Variants in PCDHGC3 observed in about 807,000 individuals in gnomAD.
The protein encoded by PCDHGC3 is protocadherin gamma subfamily C, 3, also known as protocadherin gamma-C3.
A neutral mutation model predicts 59.2 loss-of-function variants in PCDHGC3; 26 were observed. The ratio of observed to expected loss-of-function variants is 0.44; its 90% CI spans 0.32 to 0.61. The LOEUF is 0.61. PCDHGC3 is among the 20% of genes least tolerant of loss of function. The pLI, the probability that PCDHGC3 is intolerant of heterozygous loss-of-function variation, is 0.05. For missense variants in PCDHGC3, 1,080 were observed against 1,221.8 expected (o/e 0.88, Z 1.73); for synonymous variants, 487 against 519.7 (o/e 0.94, Z 0.86).
At position 141,505,479 on chromosome 5, in the gene PCDHGC3, G is replaced by A; in HGVS notation, c.2576G>A (p.Ser859Asn). 1 of 1,614,228 alleles carries A rather than the reference G, an allele frequency of 6.2e-7. No homozygotes were observed. The highest frequency in any genetic ancestry group is 8.5e-7 in the Non-Finnish European group (1 of 1,180,018). Residue 859 changes from serine to asparagine, a missense_variant and splice_region_variant, in exon 3 of 4, where the codon AGT (serine) becomes AAT (asparagine). Ser to Asn is a conservative substitution (Grantham distance 46, BLOSUM62 1). Coordinates refer to ENST00000308177, the MANE Select transcript of PCDHGC3 (RefSeq NM_002588.4). Reference sequence around the variant, plus strand: ...CAAGCCATGATCTTGGCGTCCGCCAGTGGTAAGTGGTGTCAGTGTGTGTAT... The same window carrying A: ...CAAGCCATGATCTTGGCGTCCGCCAATGGTAAGTGGTGTCAGTGTGTGTAT... Reference protein sequence around the residue: ...MLQAMILASASEAADGSSTLG... With the variant: ...MLQAMILASANEAADGSSTLG...
chr5:141,485,172 C>T lies in PCDHGC3; in HGVS notation c.2430+6626C>T, dbSNP rs377648315. 3.9e-5 allele frequency: 62 copies of T among 1,610,044 alleles called. No individual in the cohort carries two copies. The highest frequency in any genetic ancestry group is 5.1e-5 in the Non-Finnish European group (60 of 1,176,944). On this transcript the variant is annotated intron_variant, in intron 1 of 3. Coordinates refer to ENST00000308177, the MANE Select transcript of PCDHGC3 (RefSeq NM_002588.4). The surrounding 1 kb of genome is among the most constrained non-coding windows in gnomAD (Gnocchi z 5.7). ...CAAGTAGAGAATTAGCGGGCGGCAGCAATGCTCCGCAAGGTGAGAAGCTGG... is the reference window on the plus strand; with the variant it reads ...CAAGTAGAGAATTAGCGGGCGGCAGTAATGCTCCGCAAGGTGAGAAGCTGG...
At chr5:141,488,762 C>T (rs1470160100) in intron 1 of PCDHGC3, among the ~76,000 whole-genome samples, 1 of 152,142 alleles carries the variant, frequency 6.6e-6, no homozygotes, top group Non-Finnish European at 1.5e-5. Context: ...TGGGACAGAA[C>T]GCTGAGGAGT....
In PCDHGC3 at chr5:141,489,180, C is replaced by T. The variant is rs942218118; in HGVS notation, c.2431-5627C>T. 7.9e-7 allele frequency: 1 copy of T among 1,259,748 alleles called. No homozygotes were observed. The highest frequency in any genetic ancestry group is 2.0e-4 in the Middle Eastern group (1 of 5,096). The allele number at this position is 1,259,748 out of a possible 1,614,324, so 78.0% of individuals were successfully genotyped here. A position where few individuals can be genotyped will look rare whatever the true frequency, so the allele number is the denominator to read the frequency against. On this transcript the variant is annotated intron_variant, in intron 1 of 3. Coordinates refer to ENST00000308177, the MANE Select transcript of PCDHGC3 (RefSeq NM_002588.4). This position sits in a 1 kb window ranked among gnomAD's most constrained non-coding sequence, Gnocchi z 4.5. ...GACTTCAGCTGCTGCATTCCAAGCCCTGGGTCTACCTTGGAGACAGGACAG... is the reference window on the plus strand; with the variant it reads ...GACTTCAGCTGCTGCATTCCAAGCCTTGGGTCTACCTTGGAGACAGGACAG...
In PCDHGC3 at chr5:141,477,500, T is replaced by C. The variant is rs757547508; in HGVS notation, c.1384T>C (p.Tyr462His). The C allele has an allele frequency of 3.1e-6, 5 of 1,614,156 alleles. No homozygotes were observed. Among genetic ancestry groups the C allele is most frequent in the Non-Finnish European group, 4.2e-6 (5 of 1,180,026 alleles). ...DNPPQSSQSS[Y>H]DVYIEENNLP... ...CCCTCCACAATCTTCTCAATCTTCC[T>C]ACGACGTTTACATTGAAGAAAACAA... The change falls in exon 1 of 4, where the codon TAC becomes CAC. Residue 462 changes from tyrosine to histidine, a missense_variant. Coordinates refer to ENST00000308177, the MANE Select transcript of PCDHGC3 (RefSeq NM_002588.4). This position sits in a 1 kb window ranked among gnomAD's most constrained non-coding sequence, Gnocchi z 4.9.
rs756549446 is a variant in PCDHGC3 at position 141,477,301 on chromosome 5, C to G, written c.1185C>G (p.Leu395=). 32 of 1,614,042 alleles carry G rather than the reference C, an allele frequency of 2.0e-5. 2 individuals carry two copies. In the South Asian group the frequency reaches 3.4e-4, roughly 17 times the overall value. Residue 395 remains leucine, a synonymous_variant, in exon 1 of 4, where the codon CTC becomes CTG. Coordinates refer to ENST00000308177, the MANE Select transcript of PCDHGC3 (RefSeq NM_002588.4). The surrounding 1 kb of genome is among the most constrained non-coding windows in gnomAD (Gnocchi z 4.9). ...GLVTCEVPPG[L]PFSLTSSLKN... is the part of the protein sequence containing the mutation. The stretch of plus-strand genomic sequence containing the variant: ...TGACCTGCGAAGTTCCACCGGGTCT[C>G]CCTTTCAGCCTTACTTCTTCCCTCA...
intron 1 of PCDHGC3, among the ~76,000 whole-genome samples, chr5:141,488,493 C>T (rs1594759823): frequency 6.6e-6 from 1 of 152,226 alleles, no homozygotes; most frequent in East Asian, 1.9e-4. Context: ...AAAACTGTAA[C>T]ACTCATTCCA....
At chr5:141,494,954 G>A in intron 2 of PCDHGC3, 89 bp downstream of exon 2, 2 of 1,601,116 alleles carry the variant, frequency 1.2e-6, no homozygotes. Context: ...CCCAGCATTT[G>A]CTACAGATGG....
rs2099627530 is a variant in PCDHGC3, at chr5:141,486,292, T to C, written c.2430+7746T>C. On this transcript the variant is annotated intron_variant, in intron 1 of 3. Transcript: ENST00000308177. This position sits in a 1 kb window ranked among gnomAD's most constrained non-coding sequence, Gnocchi z 5.0. ...CTGGCACTGTGGTGGCACTTATCAGTGTGCAGGATCCAGACTCAGGGTCAA... is the reference window on the plus strand; with the variant it reads ...CTGGCACTGTGGTGGCACTTATCAGCGTGCAGGATCCAGACTCAGGGTCAA... 5 of 1,613,970 alleles carry C rather than the reference T, an allele frequency of 3.1e-6. No individual in the cohort carries two copies. The highest frequency in any genetic ancestry group is 4.2e-6 in the Non-Finnish European group (5 of 1,179,982).
intron 2 of PCDHGC3, among the ~76,000 whole-genome samples, chr5:141,505,117 G>A (rs575627148): frequency 1.8e-4 from 27 of 152,226 alleles, no homozygotes; most frequent in African/African-American, 3.6e-4. Context: ...AGCCAAGATC[G>A]CGCCACTGCA....
rs752401867 is a variant in PCDHGC3, at chr5:141,511,224, G to A, written c.*51G>A. On this transcript the variant is annotated 3_prime_UTR_variant, in exon 4 of 4. Transcript: ENST00000308177. ...GGGCGGCCTCTCCCCAACCAGCCCA[G>A]CTTCTCCTTACCTGCACCCAGGCCT... 1.2e-6 allele frequency: 2 copies of A among 1,603,276 alleles called. No homozygotes were observed.
At chr5:141,503,387 G>A (rs975079596) in intron 2 of PCDHGC3, among the ~76,000 whole-genome samples, 24 of 152,068 alleles carry the variant, frequency 1.6e-4, no homozygotes, top group Middle Eastern at 3.4e-3. Flanking sequence ...ATGAGGTCAG[G>A]AGTTCGAAAC....
intron 2 of PCDHGC3, among the ~76,000 whole-genome samples, chr5:141,496,054 G>A (rs180707408): frequency 6.6e-6 from 1 of 150,988 alleles, no homozygotes; most frequent in Admixed American, 6.6e-5. Context: ...TTTTGTGCTT[G>A]TGGGCAAGCC....
chr5:141,491,291 C>T lies in PCDHGC3; in HGVS notation c.2431-3516C>T. 1 of 1,614,152 alleles carries T rather than the reference C, an allele frequency of 6.2e-7. No homozygotes were observed. The highest frequency in any genetic ancestry group is 8.5e-7 in the Non-Finnish European group (1 of 1,179,974). On this transcript the variant is annotated intron_variant, in intron 1 of 3. Coordinates refer to ENST00000308177, the MANE Select transcript of PCDHGC3 (RefSeq NM_002588.4). This position sits in a 1 kb window ranked among gnomAD's most constrained non-coding sequence, Gnocchi z 6.9. The stretch of plus-strand genomic sequence containing the variant: ...AAATCCAGTGACTTCCTCATACACC[C>T]TCCTGAGCGTTCAGACCTTACCCTT...
At position 141,489,099 on chromosome 5, in the gene PCDHGC3, G is replaced by C; in HGVS notation, c.2431-5708G>C. 5.5e-6 allele frequency: 2 copies of C among 361,982 alleles called. No homozygotes were observed. The highest frequency in any genetic ancestry group is 5.0e-5 in the South Asian group (1 of 19,862). 22.4% of individuals were successfully genotyped at this position (361,982 alleles called of 1,614,324 possible). On this transcript the variant is annotated intron_variant, in intron 1 of 3. Coordinates refer to ENST00000308177, the MANE Select transcript of PCDHGC3 (RefSeq NM_002588.4). The surrounding 1 kb of genome is among the most constrained non-coding windows in gnomAD (Gnocchi z 4.5). Reference sequence around the variant, plus strand: ...CCCCGCCACTCGGTGACTAAGAACTGCTGCAAGCAGGCAAACCTCCGAGCA... The same window carrying C: ...CCCCGCCACTCGGTGACTAAGAACTCCTGCAAGCAGGCAAACCTCCGAGCA...
In PCDHGC3 at chr5:141,491,893, G is replaced by A; in HGVS notation, c.2431-2914G>A. The stretch of plus-strand genomic sequence containing the variant: ...GGCCGATTAAGGGATGGGGCTCCGA[G>A]CACCGGGGGTGGTGGCGACTGTGGG... On this transcript the variant is annotated intron_variant, in intron 1 of 3. Transcript: ENST00000308177. This position sits in a 1 kb window ranked among gnomAD's most constrained non-coding sequence, Gnocchi z 6.9. 9 of 1,438,856 alleles carry A rather than the reference G, an allele frequency of 6.3e-6. No individual in the cohort carries two copies. Among genetic ancestry groups the A allele is most frequent in the Non-Finnish European group, 8.3e-6 (9 of 1,088,104 alleles). 89.1% of individuals were successfully genotyped at this position (1,438,856 alleles called of 1,614,324 possible). A position where few individuals can be genotyped will look rare whatever the true frequency, so the allele number is the denominator to read the frequency against.
Position 141,485,193 on chromosome 5 carries a change from G to C in PCDHGC3, c.2430+6647G>C. 1 of 1,613,988 alleles carries C rather than the reference G, an allele frequency of 6.2e-7. No individual in the cohort carries two copies. Among genetic ancestry groups the C allele is most frequent in the Non-Finnish European group, 8.5e-7 (1 of 1,179,852 alleles). On this transcript the variant is annotated intron_variant, in intron 1 of 3. Transcript: ENST00000308177. This position sits in a 1 kb window ranked among gnomAD's most constrained non-coding sequence, Gnocchi z 5.7. ...GCAGCAATGCTCCGCAAGGTGAGAA[G>C]CTGGACAGAAATCTGGCGGTGGGCT...
At chr5:141,499,029 A>AAGGAAGGAAGGAAGGAAGGAAGG (rs1562187768) in intron 2 of PCDHGC3, among the ~76,000 whole-genome samples, 1 of 139,968 alleles carries the variant, frequency 7.1e-6, no homozygotes, top group African/African-American at 2.8e-5. Flanking sequence ...AGGAAGGAAG[A>AAGGAAGGAAGGAAGGAAGGAAGG]AAAGAAAGAA....
intron 1 of PCDHGC3, among the ~76,000 whole-genome samples, chr5:141,483,466 A>C (rs1212605130): frequency 6.6e-6 from 1 of 152,188 alleles, no homozygotes. Context: ...GTTGATTGAC[A>C]TGATATAGGA....
intron 2 of PCDHGC3, among the ~76,000 whole-genome samples, chr5:141,495,452 C>G (rs543717781): frequency 1.3e-5 from 2 of 152,356 alleles, no homozygotes; most frequent in South Asian, 2.1e-4. Context: ...TTGTCCTGCT[C>G]TCTGTCTGTG....
Sources: gnomAD v4.1 joint callset for allele counts (sites outside exome capture counted in the v4.1 genomes callset) on GRCh38, gnomAD v4.1.1 for gene constraint, Gnocchi (gnomAD v3.1) non-coding constraint, MANE v1.5 for transcripts, NCBI Gene and HGNC (gene_info 2026-07-23, HGNC 2026-07-21) for gene names.